The following DNM2 variants were observed in gnomAD, a reference collection of about 807,000 sequenced individuals.
DNM2 encodes the protein dynamin-2.
DNM2 carries 15 observed loss-of-function variants against 99.0 expected under a neutral mutation model. That is an observed-to-expected ratio of 0.15 (90% confidence interval 0.10 to 0.23). The LOEUF (loss-of-function observed/expected upper bound fraction) is 0.23, where lower values mean the gene tolerates loss of function less well. Among genes scored for constraint, DNM2 ranks in the 10% least tolerant of loss-of-function variants. DNM2 has a pLI of 1.00. For synonymous variants in DNM2, 525 were observed against 481.2 expected (o/e 1.09, Z -1.19); for missense variants, 742 against 1,189.4 (o/e 0.62, Z 5.53).
rs1478459521 is a variant in DNM2 at position 10,820,646 on chromosome 19, G to A, written c.1781+557G>A. On this transcript the variant is annotated intron_variant, in intron 16 of 20. Coordinates refer to ENST00000389253, the MANE Select transcript of DNM2 (RefSeq NM_001005361.3). The surrounding 1 kb of genome is among the most constrained non-coding windows in gnomAD (Gnocchi z 4.3). ...CATTGGCCGAGGTGGGGAAGGCAGCGGCAGGTAGGCCTGGAGACAGCCAAG... is the reference window on the plus strand; with the variant it reads ...CATTGGCCGAGGTGGGGAAGGCAGCAGCAGGTAGGCCTGGAGACAGCCAAG... Among the ~76,000 whole-genome samples the A allele has an allele frequency of 6.6e-6, 1 of 152,228 alleles. No individual in the cohort carries two copies. The highest frequency in any genetic ancestry group is 2.4e-5 in the African/African-American group (1 of 41,452).
At chr19:10,828,941 G>C in intron 18 of DNM2, 95 bp from the exon 19 acceptor site, 1 of 1,314,660 alleles carries the variant, frequency 7.6e-7, no homozygotes, top group Non-Finnish European at 1.1e-6. Flanking sequence ...GTCTGGGGGT[G>C]GCCCCGCCCT....
chr19:10,777,295 T>A, intron 5 of DNM2, 79 bp downstream of exon 5: 1 of 1,349,956 alleles, frequency 7.4e-7, no homozygotes, highest in Non-Finnish European at 1.0e-6. Context: ...ACCTGTTCCC[T>A]GCCTGCCTGG....
intron 1 of DNM2, among the ~76,000 whole-genome samples, chr19:10,724,263 C>T (rs911394182): frequency 2.0e-5 from 3 of 152,118 alleles, no homozygotes; most frequent in African/African-American, 4.8e-5. Flanking sequence ...CTGCAACCTC[C>T]GCCTCCCAGG....
rs2072747922 is a variant in DNM2, at chr19:10,816,555, C to G, written c.1672-3425C>G. ...ACTCACGTGTCCAGATCGGATGGCT[C>G]CTCAAAATGGCTGGGGTGGGGTAGG... On this transcript the variant is annotated intron_variant, in intron 15 of 20. Coordinates refer to ENST00000389253, the MANE Select transcript of DNM2 (RefSeq NM_001005361.3). The surrounding 1 kb of genome is among the most constrained non-coding windows in gnomAD (Gnocchi z 4.6). 6.6e-6 allele frequency among the ~76,000 whole-genome samples: 1 copy of G among 152,090 alleles called. No homozygotes were observed. Among genetic ancestry groups the G allele is most frequent in the Non-Finnish European group, 1.5e-5 (1 of 67,992 alleles).
At chr19:10,793,378 T>C (rs2071820593) in intron 7 of DNM2, among the ~76,000 whole-genome samples, 1 of 152,132 alleles carries the variant, frequency 6.6e-6, no homozygotes, top group African/African-American at 2.4e-5. Flanking sequence ...GTGGCTACCT[T>C]TCCTTCCCAG....
At position 10,802,299 on chromosome 19, in the gene DNM2, G is replaced by A. The variant is rs901295320; in HGVS notation, c.1434G>A (p.Leu478=). 5 of 1,614,018 alleles carry A rather than the reference G, an allele frequency of 3.1e-6. No homozygotes were observed. The African/African-American group carries it at 6.7e-5, about 22-fold the overall frequency. ...EGRTKDQILL[L]IDIEQSYINT... is the part of the protein sequence containing the mutation. ...CCGCTCTCCCCCAGATTCTTCTGCTGATCGACATTGAGCAGTCCTACATCA... is the reference window on the plus strand; with the variant it reads ...CCGCTCTCCCCCAGATTCTTCTGCTAATCGACATTGAGCAGTCCTACATCA... Residue 478 remains leucine, a synonymous_variant, in exon 12 of 21, where the codon CTG becomes CTA. Coordinates refer to ENST00000389253, the MANE Select transcript of DNM2 (RefSeq NM_001005361.3).
At chr19:10,753,932 C>T (rs1053854540) in intron 1 of DNM2, among the ~76,000 whole-genome samples, 14 of 152,160 alleles carry the variant, frequency 9.2e-5, no homozygotes, top group Non-Finnish European at 1.5e-4. Flanking sequence ...GTTTGGATTA[C>T]AGGCGTGAGC....
At chr19:10,750,432 T>C (rs1370006752) in intron 1 of DNM2, among the ~76,000 whole-genome samples, 1 of 151,882 alleles carries the variant, frequency 6.6e-6, no homozygotes, top group African/African-American at 2.4e-5. Context: ...TGAGGTATGA[T>C]TGTGCCACTG....
At chr19:10,819,918 C>T in intron 15 of DNM2, 62 bp from the exon 16 acceptor site, 16 of 1,516,540 alleles carry the variant, frequency 1.1e-5, no homozygotes, top group Non-Finnish European at 1.5e-5. Context: ...CACGCTCTGG[C>T]CTGGGGCATC....
chr19:10,737,440 C>A (rs1207870241), intron 1 of DNM2, among the ~76,000 whole-genome samples: 1 of 152,120 alleles, frequency 6.6e-6, no homozygotes, highest in Non-Finnish European at 1.5e-5. Context: ...CTTAATTTTT[C>A]TTGGAACCAC....
At chr19:10,789,301 G>A (rs2071672017) in intron 7 of DNM2, among the ~76,000 whole-genome samples, 10 of 152,108 alleles carry the variant, frequency 6.6e-5, no homozygotes, top group Admixed American at 6.6e-4. Context: ...GGTGGACCTG[G>A]GCCTGCTGGG....
At chr19:10,726,601 T>A (rs2069124191) in intron 1 of DNM2, among the ~76,000 whole-genome samples, 1 of 152,116 alleles carries the variant, frequency 6.6e-6, no homozygotes, top group African/African-American at 2.4e-5. Context: ...ACATTTTGTG[T>A]ACGGTGATGA....
chr19:10,742,528 G>T (rs1250421231), intron 1 of DNM2, among the ~76,000 whole-genome samples: 1 of 152,202 alleles, frequency 6.6e-6, no homozygotes, highest in East Asian at 1.9e-4. Flanking sequence ...CCTTCATTCA[G>T]TTCCTGCCGT....
rs139760985 is a variant in DNM2, at chr19:10,748,844, A to T, written c.162-10894A>T. ...TGTTGCCCGAGATGGGGTTAGAGAC[A>T]GCCTGTTGGGTGGCCAGCGTTCCTT... On this transcript the variant is annotated intron_variant, in intron 1 of 20. Coordinates refer to ENST00000389253, the MANE Select transcript of DNM2 (RefSeq NM_001005361.3). 5.9e-5 allele frequency among the ~76,000 whole-genome samples: 9 copies of T among 152,344 alleles called. No homozygotes were observed. In the East Asian group the frequency reaches 1.5e-3, roughly 26 times the overall value.
At position 10,817,388 on chromosome 19, in the gene DNM2, TG is replaced by T. The variant is rs778426735; in HGVS notation, c.1672-2586del. 4.1e-6 allele frequency: 2 copies of T among 487,738 alleles called. No individual in the cohort carries two copies. The highest frequency in any genetic ancestry group is 4.2e-6 in the Non-Finnish European group (1 of 237,338). The allele number at this position is 487,738 out of a possible 1,614,324, so 30.2% of individuals were successfully genotyped here. ...AATGACACTCACCTGCCGGCGAGTT[TG>T]GGGGGCCTGTCTCGACGAGCCGCTC... On this transcript the variant is annotated intron_variant, in intron 15 of 20. Transcript: ENST00000389253. This position sits in a 1 kb window ranked among gnomAD's most constrained non-coding sequence, Gnocchi z 4.6.
In DNM2 at chr19:10,807,681, G is replaced by A. The variant is rs113084827; in HGVS notation, c.1546-888G>A. 6.7e-3 allele frequency among the ~76,000 whole-genome samples: 979 copies of A among 146,232 alleles called. 4 individuals are homozygous for A. Among genetic ancestry groups the A allele is most frequent in the Non-Finnish European group, 0.01 (693 of 66,986 alleles). On this transcript the variant is annotated intron_variant, in intron 13 of 20. Transcript: ENST00000389253. ...CTCCTGCCTCAGCCTTCTGAGTAGC[G>A]ACGATTACAGGAGCCTGCCACCACC...
chr19:10,822,383 G>T (rs1273740449), intron 16 of DNM2, among the ~76,000 whole-genome samples: 2 of 150,770 alleles, frequency 1.3e-5, no homozygotes, highest in African/African-American at 2.4e-5. Context: ...AGAGATGGGG[G>T]TGTTGCTGTG....
chr19:10,794,514 G>A (rs1022107961), intron 8 of DNM2, among the ~76,000 whole-genome samples: 3 of 152,156 alleles, frequency 2.0e-5, no homozygotes, highest in African/African-American at 7.2e-5. Flanking sequence ...GGCCAAGGGG[G>A]CCTGATCACT....
At position 10,731,176 on chromosome 19, in the gene DNM2, C is replaced by T. The variant is rs546062847; in HGVS notation, c.161+12773C>T. Among the ~76,000 whole-genome samples, 34 of 152,112 alleles carry T rather than the reference C, an allele frequency of 2.2e-4. No individual in the cohort carries two copies. The East Asian group carries it at 2.7e-3, about 12-fold the overall frequency. On this transcript the variant is annotated intron_variant, in intron 1 of 20. Transcript: ENST00000389253. ...CCAGCCCTGGGGAAAGCCCCCAGGG[C>T]GGATCAGGGAGGGACACAGCTGTCC...
Sources: gnomAD v4.1 joint callset for allele counts (sites outside exome capture counted in the v4.1 genomes callset) on GRCh38, gnomAD v4.1.1 for gene constraint, Gnocchi (gnomAD v3.1) non-coding constraint, MANE v1.5 for transcripts, NCBI Gene and HGNC (gene_info 2026-07-23, HGNC 2026-07-21) for gene names.